PTH1R: variants seen among roughly 807,000 people sequenced by gnomAD.
PTH1R encodes parathyroid hormone 1 receptor.
In PTH1R, 32 loss-of-function variants were observed where a neutral mutation model predicts 70.7. The observed-to-expected ratio is 0.45, with a 90% CI of 0.34 to 0.61. The LOEUF is 0.61. PTH1R is among the 20% of genes least tolerant of loss of function. The pLI is 0.01. For synonymous variants in PTH1R, 329 were observed against 324.8 expected (o/e 1.01, Z -0.14); for missense variants, 626 against 792.5 (o/e 0.79, Z 2.52).
At chr3:46,880,043 G>GA (rs2030456373) in intron 1 of PTH1R, among the ~76,000 whole-genome samples, 1 of 152,170 alleles carries the variant, frequency 6.6e-6, no homozygotes, top group Non-Finnish European at 1.5e-5. Flanking sequence ...AAAAAGAAAA[G>GA]AAACAGAGGC....
chr3:46,891,811 A>G lies in PTH1R; in HGVS notation c.76-2096A>G, dbSNP rs2031428083. On this transcript the variant is annotated intron_variant, in intron 3 of 15. Coordinates refer to ENST00000449590, the MANE Select transcript of PTH1R (RefSeq NM_000316.3). The surrounding 1 kb of genome is among the most constrained non-coding windows in gnomAD (Gnocchi z 4.3). ...AGTAGTGCTCATGGTGGTAACGGTG[A>G]TGCCAGTGGTGGTGGTGGTAGTACT... 6.6e-6 allele frequency among the ~76,000 whole-genome samples: 1 copy of G among 152,066 alleles called. No individual in the cohort carries two copies. The highest frequency in any genetic ancestry group is 2.4e-5 in the African/African-American group (1 of 41,366).
At chr3:46,878,065 C>A (rs1343471473) in intron 1 of PTH1R, among the ~76,000 whole-genome samples, 2 of 152,204 alleles carry the variant, frequency 1.3e-5, no homozygotes, top group Non-Finnish European at 2.9e-5. Flanking sequence ...TCCTTGGGAG[C>A]CTTAGGAGTG....
At position 46,902,822 on chromosome 3, in the gene PTH1R, G is replaced by A. The variant is rs2032212824; in HGVS notation, c.1395+32G>A. On this transcript the variant is annotated intron_variant, in intron 15 of 15. Transcript: ENST00000449590. This position sits in a 1 kb window ranked among gnomAD's most constrained non-coding sequence, Gnocchi z 5.4. ...AGGAGACAGTGTTGGCATAGGGCAG[G>A]GTGGGGCAGATACCCCAGAGGCTTC... The A allele has an allele frequency of 1.2e-6, 2 of 1,613,054 alleles. No homozygotes were observed. The highest frequency in any genetic ancestry group is 1.3e-5 in the African/African-American group (1 of 74,860).
At position 46,892,700 on chromosome 3, in the gene PTH1R, C is replaced by G; in HGVS notation, c.76-1207C>G. The G allele has an allele frequency of 1.0e-6, 1 of 985,126 alleles. No individual in the cohort carries two copies. Among genetic ancestry groups the G allele is most frequent in the Non-Finnish European group, 1.2e-6 (1 of 829,290 alleles). The allele number at this position is 985,126 out of a possible 1,614,324, so 61.0% of individuals were successfully genotyped here. ...GACCCGCCTTCTTCCTCCCCTGCCT[C>G]CTCTGGGTCCTCCCGCCCTTCACAG... is the stretch of plus-strand genomic sequence containing the variant. On this transcript the variant is annotated intron_variant, in intron 3 of 15. Transcript: ENST00000449590. The surrounding 1 kb of genome is among the most constrained non-coding windows in gnomAD (Gnocchi z 5.2).
At position 46,893,913 on chromosome 3, in the gene PTH1R, G is replaced by A; in HGVS notation, c.82G>A (p.Ala28Thr). Residue 28 changes from alanine (A) to threonine (T), a missense_variant, in exon 4 of 16, where the codon GCA becomes ACA. By Grantham distance (58) the Ala-to-Thr change is moderately conservative (BLOSUM62 0). This residue lies in a region of PTH1R where 123 missense variants were observed against 125.7 expected (regional missense o/e 0.98). Coordinates refer to ENST00000449590, the MANE Select transcript of PTH1R (RefSeq NM_000316.3). The surrounding 1 kb of genome is among the most constrained non-coding windows in gnomAD (Gnocchi z 5.2). ...CTGACCTTCGGCTTGGCAGGTGGAT[G>A]CAGATGACGTCATGACTAAAGAGGA... ...VLSSAYALVD[A>T]DDVMTKEEQI... The A allele has an allele frequency of 6.2e-7, 1 of 1,613,940 alleles. No homozygotes were observed. Among genetic ancestry groups the A allele is most frequent in the Middle Eastern group, 1.6e-4 (1 of 6,062 alleles).
Position 46,898,141 on chromosome 3 carries a change from G to A in PTH1R, c.492G>A (p.Trp164Ter), listed in dbSNP as rs1178910022. The change falls in exon 7 of 16, where the codon TGG becomes TGA. Residue 164 changes from tryptophan (W) to a stop codon, truncating the protein, a stop_gained. Transcript: ENST00000449590. LOFTEE classifies it high-confidence loss of function. The stretch of plus-strand genomic sequence containing the variant: ...TGGTGCCTGGGCACAACAGGACGTG[G>A]GCCAACTACAGCGAGTGTGTCAAAT... ...WELVPGHNRT[W>*]ANYSECVKFL... The A allele has an allele frequency of 6.2e-7, 1 of 1,614,182 alleles. No individual in the cohort carries two copies. The highest frequency in any genetic ancestry group is 1.7e-5 in the Admixed American group (1 of 60,026).
At position 46,901,510 on chromosome 3, in the gene PTH1R, G is replaced by T. The variant is rs2107057452; in HGVS notation, c.1116+30G>T. 6.4e-7 allele frequency: 1 copy of T among 1,554,538 alleles called. No homozygotes were observed. The highest frequency in any genetic ancestry group is 8.7e-7 in the Non-Finnish European group (1 of 1,148,296). ...GCAGGGGTGGGCTGCTGGCCACAGG[G>T]GTGGGTGGGATGTGCGCCTGCGTCC... On this transcript the variant is annotated intron_variant, in intron 12 of 15. Coordinates refer to ENST00000449590, the MANE Select transcript of PTH1R (RefSeq NM_000316.3). This position sits in a 1 kb window ranked among gnomAD's most constrained non-coding sequence, Gnocchi z 7.3.
chr3:46,890,271 C>T (rs1261698609), intron 3 of PTH1R, among the ~76,000 whole-genome samples: 1 of 152,138 alleles, frequency 6.6e-6, no homozygotes, highest in African/African-American at 2.4e-5. Flanking sequence ...CCCTCACTGT[C>T]ACCTGCTGGA....
At position 46,903,292 on chromosome 3, in the gene PTH1R, C is replaced by A. The variant is rs1417579715; in HGVS notation, c.1418C>A (p.Ser473Tyr). 1.9e-6 allele frequency: 3 copies of A among 1,612,970 alleles called. No homozygotes were observed. In the Admixed American group the frequency reaches 5.0e-5, roughly 27 times the overall value. Residue 473 changes from serine (S) to tyrosine (Y), a missense_variant, in exon 16 of 16, where the codon TCT becomes TAT. By Grantham distance (144) the Ser-to-Tyr change is moderately radical. Coordinates refer to ENST00000449590, the MANE Select transcript of PTH1R (RefSeq NM_000316.3). The surrounding 1 kb of genome is among the most constrained non-coding windows in gnomAD (Gnocchi z 4.4). Reference sequence around the variant, plus strand: ...AAGGTACAAGCTGAGATCAAGAAATCTTGGAGCCGCTGGACACTGGCACTG... The same window carrying A: ...AAGGTACAAGCTGAGATCAAGAAATATTGGAGCCGCTGGACACTGGCACTG... The part of the protein sequence containing the change: ...NGEVQAEIKK[S>Y]WSRWTLALDF...
chr3:46,898,427 C>T lies in PTH1R; in HGVS notation c.593C>T (p.Ser198Phe), dbSNP rs1408818701. The change falls in exon 8 of 16, where the codon TCC becomes TTC. Residue 198 changes from serine to phenylalanine, a missense_variant. Ser to Phe is a radical substitution (Grantham distance 155). This residue lies in a region of PTH1R where 495 missense variants were observed against 638.7 expected (regional missense o/e 0.77). Coordinates refer to ENST00000449590, the MANE Select transcript of PTH1R (RefSeq NM_000316.3). ...ATTTACACCGTGGGCTACTCCGTGT[C>T]CCTGGCGTCCCTCACCGTAGCTGTG... ...GMIYTVGYSV[S>F]LASLTVAVLI... 1 of 1,614,058 alleles carries T rather than the reference C, an allele frequency of 6.2e-7. No homozygotes were observed. Among genetic ancestry groups the T allele is most frequent in the Non-Finnish European group, 8.5e-7 (1 of 1,180,026 alleles).
chr3:46,890,388 T>TTAC (rs1553642064), intron 3 of PTH1R, among the ~76,000 whole-genome samples: 1 of 151,996 alleles, frequency 6.6e-6, no homozygotes, highest in African/African-American at 2.4e-5. Context: ...GGGATGTGAC[T>TTAC]TGCTGCTGCT....
chr3:46,903,773 G>GAAAA lies in PTH1R; in HGVS notation c.*124_*127dup. 7.4e-7 allele frequency: 1 copy of GAAAA among 1,354,836 alleles called. No homozygotes were observed. Among genetic ancestry groups the GAAAA allele is most frequent in the Non-Finnish European group, 9.9e-7 (1 of 1,007,072 alleles). 83.9% of individuals were successfully genotyped at this position (1,354,836 alleles called of 1,614,324 possible). A position where few individuals can be genotyped will look rare whatever the true frequency, so the allele number is the denominator to read the frequency against. On this transcript the variant is annotated 3_prime_UTR_variant, in exon 16 of 16. Transcript: ENST00000449590. This position sits in a 1 kb window ranked among gnomAD's most constrained non-coding sequence, Gnocchi z 4.4. ...CCAAGAGGAAAAACAGGGAAAAAAAGAAAAAAAAAAGAAAAAGGAAAAGGA... is the reference window on the plus strand; with the variant it reads ...CCAAGAGGAAAAACAGGGAAAAAAAGAAAAAAAAAAAAAAGAAAAAGGAAAAGGA...
Position 46,892,895 on chromosome 3 carries a change from T to C in PTH1R, c.76-1012T>C. On this transcript the variant is annotated intron_variant, in intron 3 of 15. Coordinates refer to ENST00000449590, the MANE Select transcript of PTH1R (RefSeq NM_000316.3). The surrounding 1 kb of genome is among the most constrained non-coding windows in gnomAD (Gnocchi z 5.2). The stretch of plus-strand genomic sequence containing the variant: ...AAACACGACCCTGAATTAAGAGGGA[T>C]GGGGCTGAGGGCTTCACAGCCCCGC... The C allele has an allele frequency of 1.2e-6, 1 of 812,956 alleles. No individual in the cohort carries two copies. Among genetic ancestry groups the C allele is most frequent in the Non-Finnish European group, 1.5e-6 (1 of 671,770 alleles). The allele number at this position is 812,956 out of a possible 1,614,324, so 50.4% of individuals were successfully genotyped here. A position where few individuals can be genotyped will look rare whatever the true frequency, so the allele number is the denominator to read the frequency against.
chr3:46,884,124 ACACGTCTGGCTT>A lies in PTH1R; in HGVS notation c.75+494_75+505del, dbSNP rs1159335345. 6.6e-6 allele frequency among the ~76,000 whole-genome samples: 1 copy of A among 152,194 alleles called. No individual in the cohort carries two copies. The highest frequency in any genetic ancestry group is 1.5e-5 in the Non-Finnish European group (1 of 68,026). ...CTCCAGCCCTCACACACACACATGCACACGTCTGGCTTCACCCAGGGTAGAAGCTGTTTCCCC... is the reference window on the plus strand; with the variant it reads ...CTCCAGCCCTCACACACACACATGCACACCCAGGGTAGAAGCTGTTTCCCC... On this transcript the variant is annotated intron_variant, in intron 3 of 15. Coordinates refer to ENST00000449590, the MANE Select transcript of PTH1R (RefSeq NM_000316.3). This position sits in a 1 kb window ranked among gnomAD's most constrained non-coding sequence, Gnocchi z 4.8.
rs1052762902 is a variant in PTH1R, at chr3:46,892,469, ACT to A, written c.76-1436_76-1435del. On this transcript the variant is annotated intron_variant, in intron 3 of 15. Transcript: ENST00000449590. The surrounding 1 kb of genome is among the most constrained non-coding windows in gnomAD (Gnocchi z 5.2). The stretch of plus-strand genomic sequence containing the variant: ...GCCGGCCACTCGAGAATGCGCTGCC[ACT>A]CGCGCGCGCACGCACAGGGACGCGC... Among the ~76,000 whole-genome samples, 8 of 152,098 alleles carry A rather than the reference ACT, an allele frequency of 5.3e-5. No individual in the cohort carries two copies. Among genetic ancestry groups the A allele is most frequent in the African/African-American group, 1.7e-4 (7 of 41,404 alleles).
chr3:46,889,812 C>T, intron 3 of PTH1R, among the ~76,000 whole-genome samples: 1 of 152,182 alleles, frequency 6.6e-6, no homozygotes, highest in East Asian at 1.9e-4. Flanking sequence ...CCCAGTCCCT[C>T]AGTCCTCACC....
At position 46,901,538 on chromosome 3, in the gene PTH1R, T is replaced by C. The variant is rs1531137; in HGVS notation, c.1116+58T>C. ...GGGTGGGATGTGCGCCTGCGTCCCC[T>C]GGAACCAGCCCCTGACAGGGACCTA... On this transcript the variant is annotated intron_variant, in intron 12 of 15. Coordinates refer to ENST00000449590, the MANE Select transcript of PTH1R (RefSeq NM_000316.3). This position sits in a 1 kb window ranked among gnomAD's most constrained non-coding sequence, Gnocchi z 7.3. The C allele has an allele frequency of 0.57, 880,545 of 1,542,288 alleles. 256,188 individuals are homozygous for C. Among genetic ancestry groups the C allele is most frequent in the Non-Finnish European group, 0.6 (681,308 of 1,139,640 alleles).
intron 10 of PTH1R, 27 bp downstream of exon 10, chr3:46,899,483 T>C (rs781041421): frequency 6.2e-7 from 1 of 1,603,420 alleles, no homozygotes; most frequent in East Asian, 2.2e-5. Flanking sequence ...GGTAGCGAGG[T>C]GCCGGCAGGG....
intron 2 of PTH1R, among the ~76,000 whole-genome samples, chr3:46,881,913 G>A (rs1206439608): frequency 1.3e-5 from 2 of 152,134 alleles, no homozygotes; most frequent in African/African-American, 4.8e-5. Flanking sequence ...CTCGCTTCTC[G>A]GCTCAGGGTC....
Sources: gnomAD v4.1 joint callset for allele counts (sites outside exome capture counted in the v4.1 genomes callset) on GRCh38, gnomAD v4.1.1 for gene constraint, gnomAD v4.1.1 regional missense constraint, Gnocchi (gnomAD v3.1) non-coding constraint, MANE v1.5 for transcripts, NCBI Gene and HGNC (gene_info 2026-07-23, HGNC 2026-07-21) for gene names.